The following CNNM4 variants were observed in gnomAD, a reference collection of about 807,000 sequenced individuals.
The protein encoded by CNNM4 is metal transporter CNNM4.
CNNM4 carries 32 observed loss-of-function variants against 53.7 expected under a neutral mutation model. The observed-to-expected ratio is 0.60, with a 90% CI of 0.45 to 0.80. CNNM4 has a LOEUF of 0.80. Among genes scored for constraint, CNNM4 ranks in the 30% least tolerant of loss-of-function variants. The pLI is 0.00. For missense variants in CNNM4, 784 were observed against 1,022.0 expected (o/e 0.77, Z 3.17); for synonymous variants, 410 against 440.0 (o/e 0.93, Z 0.85).
chr2:96,768,867 C>T (rs1041875927), intron 1 of CNNM4, among the ~76,000 whole-genome samples: 1 of 152,186 alleles, frequency 6.6e-6, no homozygotes, highest in African/African-American at 2.4e-5. Flanking sequence ...CTGGACCACA[C>T]CAGTGTGCAG....
At chr2:96,771,961 G>A (rs566856297) in intron 1 of CNNM4, among the ~76,000 whole-genome samples, 43 of 152,118 alleles carry the variant, frequency 2.8e-4, no homozygotes, top group African/African-American at 1.0e-3. Flanking sequence ...TGGTGTTGCT[G>A]GAGCATTCCC....
At chr2:96,772,923 C>G (rs1198788368) in intron 1 of CNNM4, among the ~76,000 whole-genome samples, 1 of 150,908 alleles carries the variant, frequency 6.6e-6, no homozygotes, top group Non-Finnish European at 1.5e-5. Context: ...CACACACACA[C>G]TCATACCCCC....
intron 1 of CNNM4, among the ~76,000 whole-genome samples, chr2:96,790,832 A>C (rs1200560307): frequency 6.6e-6 from 1 of 151,644 alleles, no homozygotes; most frequent in Non-Finnish European, 1.5e-5. Context: ...AAAAATACAA[A>C]AATCCAGCTG....
chr2:96,761,077 G>T lies in CNNM4; in HGVS notation c.78G>T (p.Leu26=). 7.3e-7 allele frequency: 1 copy of T among 1,364,120 alleles called. No homozygotes were observed. Among genetic ancestry groups the T allele is most frequent in the Non-Finnish European group, 9.5e-7 (1 of 1,053,146 alleles). 84.5% of individuals were successfully genotyped at this position (1,364,120 alleles called of 1,614,324 possible). Reference sequence around the variant, plus strand: ...GCCTCCTCCTGGCGGCGCCGGTGCTGCTGGTGCTGCTGTGGGCGCTGGGGG... The same window carrying T: ...GCCTCCTCCTGGCGGCGCCGGTGCTTCTGGTGCTGCTGTGGGCGCTGGGGG... The part of the protein sequence containing the change: ...RGRLLLAAPV[L]LVLLWALGAR... Residue 26 remains leucine, a synonymous_variant, in exon 1 of 7, where the codon CTG becomes CTT. Coordinates refer to ENST00000377075, the MANE Select transcript of CNNM4 (RefSeq NM_020184.4). This position sits in a 1 kb window ranked among gnomAD's most constrained non-coding sequence, Gnocchi z 6.0.
chr2:96,760,942 G>C lies in CNNM4; in HGVS notation c.-58G>C, dbSNP rs553235240. The C allele has an allele frequency of 6.4e-5, 59 of 929,100 alleles. 1 individual carries two copies. In the Middle Eastern group the frequency reaches 3.8e-3, roughly 61 times the overall value. The allele number at this position is 929,100 out of a possible 1,614,324, so 57.6% of individuals were successfully genotyped here. Reference sequence around the variant, plus strand: ...AGCGGAGCGGCCGGAGCTGCGGTGCGGACCGGGGCCGCGCGGCGTGGCGCG... The same window carrying C: ...AGCGGAGCGGCCGGAGCTGCGGTGCCGACCGGGGCCGCGCGGCGTGGCGCG... On this transcript the variant is annotated 5_prime_UTR_variant, in exon 1 of 7. Coordinates refer to ENST00000377075, the MANE Select transcript of CNNM4 (RefSeq NM_020184.4).
At position 96,761,470 on chromosome 2, in the gene CNNM4, C is replaced by T; in HGVS notation, c.471C>T (p.Asp157=). The T allele has an allele frequency of 6.2e-7, 1 of 1,614,120 alleles. No individual in the cohort carries two copies. Among genetic ancestry groups the T allele is most frequent in the Non-Finnish European group, 8.5e-7 (1 of 1,180,010 alleles). Residue 157 remains aspartate, a synonymous_variant, in exon 1 of 7, where the codon GAC becomes GAT. Coordinates refer to ENST00000377075, the MANE Select transcript of CNNM4 (RefSeq NM_020184.4). The surrounding 1 kb of genome is among the most constrained non-coding windows in gnomAD (Gnocchi z 6.0). The stretch of plus-strand genomic sequence containing the variant: ...CACTGTGCACCCGGGCCCAGCCCGA[C>T]GGGCCCTGGCTGAAGTGGACGGACA... The part of the protein sequence containing the change: ...LYALCTRAQP[D]GPWLKWTDKD...
chr2:96,773,741 G>A (rs1391319822), intron 1 of CNNM4, among the ~76,000 whole-genome samples: 7 of 151,760 alleles, frequency 4.6e-5, no homozygotes, highest in African/African-American at 1.7e-4. Flanking sequence ...TACTCAGGAG[G>A]CTAAGACTGG....
chr2:96,765,404 G>A (rs1023446890), intron 1 of CNNM4, among the ~76,000 whole-genome samples: 1 of 151,974 alleles, frequency 6.6e-6, no homozygotes, highest in African/African-American at 2.4e-5. Context: ...GGGATTACCG[G>A]TGTGAGCCAC....
chr2:96,790,195 A>G (rs2079048988), intron 1 of CNNM4, among the ~76,000 whole-genome samples: 1 of 147,260 alleles, frequency 6.8e-6, no homozygotes, highest in African/African-American at 2.5e-5. Flanking sequence ...TTTAGTAGAG[A>G]TGGGGTTTCA....
intron 1 of CNNM4, among the ~76,000 whole-genome samples, chr2:96,774,596 C>T (rs888344506): frequency 8.5e-5 from 13 of 152,148 alleles, no homozygotes; most frequent in African/African-American, 3.1e-4. Flanking sequence ...GTGGCAACCT[C>T]AGGCTGTGTG....
At chr2:96,774,478 T>G (rs902974189) in intron 1 of CNNM4, among the ~76,000 whole-genome samples, 3 of 152,230 alleles carry the variant, frequency 2.0e-5, no homozygotes, top group Non-Finnish European at 4.4e-5. Flanking sequence ...CCTGTGCCTG[T>G]GTTAGTGGTT....
chr2:96,766,456 T>G (rs1369349877), intron 1 of CNNM4, among the ~76,000 whole-genome samples: 1 of 152,066 alleles, frequency 6.6e-6, no homozygotes, highest in Non-Finnish European at 1.5e-5. Context: ...GGAATATTCT[T>G]CTCCAGAAGT....
chr2:96,807,568 CAAG>C (rs1041490025), intron 5 of CNNM4, among the ~76,000 whole-genome samples: 13 of 151,538 alleles, frequency 8.6e-5, no homozygotes, highest in African/African-American at 3.2e-4. Flanking sequence ...ACCAAAAAAA[CAAG>C]AAAAAGAAAA....
intron 1 of CNNM4, among the ~76,000 whole-genome samples, chr2:96,796,729 C>G (rs2079107769): frequency 6.6e-6 from 1 of 152,188 alleles, no homozygotes; most frequent in Non-Finnish European, 1.5e-5. Context: ...CCACTGCACT[C>G]CAGCCTGGGT....
chr2:96,788,114 G>A (rs1186366134), intron 1 of CNNM4, among the ~76,000 whole-genome samples: 3 of 152,074 alleles, frequency 2.0e-5, no homozygotes, highest in African/African-American at 7.3e-5. Flanking sequence ...GTAGAGATGG[G>A]GCTTCACCAT....
chr2:96,762,396 A>G lies in CNNM4; in HGVS notation c.1397A>G (p.Lys466Arg). 1 of 1,614,086 alleles carries G rather than the reference A, an allele frequency of 6.2e-7. No individual in the cohort carries two copies. The highest frequency in any genetic ancestry group is 8.5e-7 in the Non-Finnish European group (1 of 1,179,964). Reference sequence around the variant, plus strand: ...TTGGATGCCATGCTGGAGGAGTTCAAGAAGGGTAAGGCCAGATGTAGTTCC... The same window carrying G: ...TTGGATGCCATGCTGGAGGAGTTCAGGAAGGGTAAGGCCAGATGTAGTTCC... Reference protein sequence around the residue: ...TKLDAMLEEFKKGKSHLAIVQ... With the variant: ...TKLDAMLEEFRKGKSHLAIVQ... The change falls in exon 1 of 7, where the codon AAG becomes AGG. Residue 466 changes from lysine to arginine, a missense_variant. Physicochemically the swap from Lys to Arg is conservative, Grantham distance 26 (BLOSUM62 2). Around this residue, in one of 3 missense-constraint regions of CNNM4, gnomAD observed 473 missense variants for 624.6 expected, o/e 0.76. Coordinates refer to ENST00000377075, the MANE Select transcript of CNNM4 (RefSeq NM_020184.4).
intron 1 of CNNM4, among the ~76,000 whole-genome samples, chr2:96,790,338 G>C (rs1489794892): frequency 1.3e-5 from 2 of 149,678 alleles, no homozygotes; most frequent in Non-Finnish European, 3.0e-5. Context: ...TTTGATGGAT[G>C]TGTTTTTTTG....
At chr2:96,786,113 T>G (rs1243734390) in intron 1 of CNNM4, among the ~76,000 whole-genome samples, 2 of 150,012 alleles carry the variant, frequency 1.3e-5, no homozygotes, top group African/African-American at 4.9e-5. Context: ...AAGATAAAAA[T>G]AATTTTTAAA....
chr2:96,786,413 CAA>C (rs774326774), intron 1 of CNNM4, among the ~76,000 whole-genome samples: 14 of 97,716 alleles, frequency 1.4e-4, no homozygotes, highest in Admixed American at 1.1e-4. Flanking sequence ...GACTCTGTCT[CAA>C]AAAAAAAAAA....
Sources: allele counts gnomAD v4.1 joint callset (sites outside exome capture counted in the v4.1 genomes callset), GRCh38; gene constraint gnomAD v4.1.1; regional missense constraint gnomAD v4.1.1; non-coding constraint Gnocchi (gnomAD v3.1); transcripts MANE v1.5; gene names NCBI Gene and HGNC (gene_info 2026-07-23, HGNC 2026-07-21).